The following MGAT4C variants were observed in gnomAD, a reference collection of about 807,000 sequenced individuals.
MGAT4C encodes alpha-1,3-mannosyl-glycoprotein 4-beta-N-acetylglucosaminyltransferase C.
MGAT4C carries 19 observed loss-of-function variants against 40.1 expected under a neutral mutation model. The observed-to-expected ratio is 0.47, with a 90% CI of 0.33 to 0.70. The LOEUF (loss-of-function observed/expected upper bound fraction) is 0.70, where lower values mean the gene tolerates loss of function less well. Among genes scored for constraint, MGAT4C ranks in the 30% least tolerant of loss-of-function variants. The pLI is 0.02. For missense variants in MGAT4C, 491 were observed against 563.2 expected (o/e 0.87, Z 1.30); for synonymous variants, 181 against 187.1 (o/e 0.97, Z 0.27).
At chr12:86,686,039 AAT>A (rs1950066585) in intron 2 of MGAT4C, among the ~76,000 whole-genome samples, 1 of 43,404 alleles carries the variant, frequency 2.3e-5, no homozygotes, top group Non-Finnish European at 7.7e-5. Context: ...ATTTTATTTT[AAT>A]TTTTTTTTTT....
At chr12:86,767,882 T>C (rs1951544952) in intron 1 of MGAT4C, among the ~76,000 whole-genome samples, 2 of 152,182 alleles carry the variant, frequency 1.3e-5, no homozygotes, top group South Asian at 4.1e-4. Flanking sequence ...TAATAAGAGC[T>C]ATCTATGACA....
At position 86,468,431 on chromosome 12, in the gene MGAT4C, C is replaced by A. The variant is rs893736069; in HGVS notation, c.-228-33166G>T. Among the ~76,000 whole-genome samples, 19 of 152,178 alleles carry A rather than the reference C, an allele frequency of 1.2e-4. No homozygotes were observed. In the East Asian group the frequency reaches 3.7e-3, roughly 29 times the overall value. ...TGCCCCCTATGTCATTTTATCTTCC[C>A]AGAGATTTTTCCATAGCTTTTCAAC... On this transcript the variant is annotated intron_variant, in intron 2 of 7. Coordinates refer to the MGAT4C transcript ENST00000548651.
intron 1 of MGAT4C, among the ~76,000 whole-genome samples, chr12:86,770,893 G>A (rs1201795484): frequency 6.6e-6 from 1 of 152,068 alleles, no homozygotes; most frequent in Admixed American, 6.6e-5. Context: ...GAAGGAAGGT[G>A]GTGTGGGTTG....
intron 4 of MGAT4C, among the ~76,000 whole-genome samples, chr12:86,271,494 T>C (rs1436460882): frequency 6.6e-6 from 1 of 152,120 alleles, no homozygotes; most frequent in East Asian, 1.9e-4. Flanking sequence ...GTCAAAATGA[T>C]TATTATTAAA....
In MGAT4C at chr12:86,364,195, A is replaced by G. The variant is rs199712159; in HGVS notation, c.-119-30068T>C. 2.0e-5 allele frequency among the ~76,000 whole-genome samples: 3 copies of G among 152,104 alleles called. No individual in the cohort carries two copies. The East Asian group carries it at 5.8e-4, about 30-fold the overall frequency. ...CAGAAAATTAAAAAAAAGAAGAAAC[A>G]TTTGTCAGTTTATTCCCTGAGGCCA... On this transcript the variant is annotated intron_variant, in intron 3 of 7. Coordinates refer to the MGAT4C transcript ENST00000548651.
intron 2 of MGAT4C, among the ~76,000 whole-genome samples, chr12:86,473,879 C>G (rs1478143418): frequency 1.3e-5 from 2 of 152,070 alleles, no homozygotes; most frequent in African/African-American, 4.8e-5. Flanking sequence ...TTCACAAAAT[C>G]TGACTATGGA....
intron 2 of MGAT4C, among the ~76,000 whole-genome samples, chr12:86,648,022 C>G (rs1312045319): frequency 6.6e-6 from 1 of 151,914 alleles, no homozygotes; most frequent in Non-Finnish European, 1.5e-5. Context: ...ACTTCAGGGT[C>G]TAGCAATGTG....
chr12:86,603,792 AGTATATAT>A (rs1961937916), intron 2 of MGAT4C, among the ~76,000 whole-genome samples: 1 of 24,324 alleles, frequency 4.1e-5, no homozygotes, highest in Non-Finnish European at 1.5e-4. Context: ...TATAATATAT[AGTATATAT>A]ATTATATAGT....
chr12:86,582,285 A>T (rs1027819799), intron 2 of MGAT4C, among the ~76,000 whole-genome samples: 1 of 151,378 alleles, frequency 6.6e-6, no homozygotes, highest in African/African-American at 2.4e-5. Context: ...AGAATGTTAT[A>T]ACTTTGAATG....
At chr12:86,295,490 G>A (rs898531207) in intron 4 of MGAT4C, among the ~76,000 whole-genome samples, 3 of 152,154 alleles carry the variant, frequency 2.0e-5, no homozygotes, top group Non-Finnish European at 4.4e-5. Context: ...GAGTGTTACA[G>A]CTCATAAAAG....
chr12:86,459,538 C>A (rs1002051663), intron 2 of MGAT4C, among the ~76,000 whole-genome samples: 4 of 151,902 alleles, frequency 2.6e-5, no homozygotes, highest in African/African-American at 9.7e-5. Context: ...CTCACTCATG[C>A]GGTCATAAGG....
chr12:86,078,651 C>A (rs1311382386), intron 1 of MGAT4C, among the ~76,000 whole-genome samples: 1 of 152,168 alleles, frequency 6.6e-6, no homozygotes, highest in Non-Finnish European at 1.5e-5. Flanking sequence ...GGGCACTCAG[C>A]AGTGGATGTA....
chr12:86,165,429 G>A (rs1274139408), intron 1 of MGAT4C, among the ~76,000 whole-genome samples: 1 of 152,014 alleles, frequency 6.6e-6, no homozygotes, highest in Non-Finnish European at 1.5e-5. Flanking sequence ...TTATCCTACA[G>A]TATATTCTTA....
chr12:86,772,260 G>A (rs771537160), intron 1 of MGAT4C, among the ~76,000 whole-genome samples: 2 of 152,168 alleles, frequency 1.3e-5, no homozygotes, highest in African/African-American at 4.8e-5. Context: ...TGGCTTGGAC[G>A]TCTGTGAATT....
At chr12:86,643,477 A>G (rs1228514161) in intron 2 of MGAT4C, among the ~76,000 whole-genome samples, 3 of 151,906 alleles carry the variant, frequency 2.0e-5, no homozygotes, top group Non-Finnish European at 4.4e-5. Context: ...ACAAAATGTG[A>G]CATACCCACT....
intron 1 of MGAT4C, among the ~76,000 whole-genome samples, chr12:86,255,312 C>A (rs1354826408): frequency 6.6e-6 from 1 of 151,996 alleles, no homozygotes; most frequent in Admixed American, 6.6e-5. Context: ...TGAGGGGATA[C>A]AAATGTTTTT....
chr12:86,554,599 A>C (rs1375118257), intron 2 of MGAT4C, among the ~76,000 whole-genome samples: 1 of 152,142 alleles, frequency 6.6e-6, no homozygotes, highest in Non-Finnish European at 1.5e-5. Context: ...CATATTATTC[A>C]TAAGAAAGAT....
At chr12:86,569,952 AAAAGATAAAT>A (rs1960295075) in intron 2 of MGAT4C, among the ~76,000 whole-genome samples, 1 of 152,108 alleles carries the variant, frequency 6.6e-6, no homozygotes, top group Non-Finnish European at 1.5e-5. Context: ...ACAAAGCATA[AAAAGATAAAT>A]ACATTATCTC....
chr12:86,835,201 G>A (rs533218390), intron 1 of MGAT4C, among the ~76,000 whole-genome samples: 1 of 151,996 alleles, frequency 6.6e-6, no homozygotes, highest in Non-Finnish European at 1.5e-5. Context: ...AGATGCATCT[G>A]AGGAATTCAG....
Sources: allele counts gnomAD v4.1 joint callset (sites outside exome capture counted in the v4.1 genomes callset), GRCh38; gene constraint gnomAD v4.1.1; transcripts MANE v1.5; gene names NCBI Gene and HGNC (gene_info 2026-07-23, HGNC 2026-07-21).